HEPHL1: variants seen among roughly 807,000 people sequenced by gnomAD.
HEPHL1 encodes hephaestin like 1, also known as ferroxidase HEPHL1.
HEPHL1 carries 123 observed loss-of-function variants against 122.0 expected under a neutral mutation model. The observed-to-expected ratio is 1.01, with a 90% CI of 0.87 to 1.17. The LOEUF is 1.17. Among genes scored for constraint, HEPHL1 ranks in the 50% most tolerant of loss-of-function variants. HEPHL1 has a pLI of 0.00. For missense variants in HEPHL1, 1,452 were observed against 1,430.5 expected (o/e 1.01, Z -0.24); for synonymous variants, 527 against 508.9 (o/e 1.04, Z -0.48).
intron 1 of HEPHL1, among the ~76,000 whole-genome samples, chr11:94,037,126 G>A (rs1336499594): frequency 5.9e-5 from 9 of 152,108 alleles, no homozygotes; most frequent in South Asian, 2.1e-4. Flanking sequence ...CTGGAAAATC[G>A]GGTCACTCCC....
intron 2 of HEPHL1, among the ~76,000 whole-genome samples, chr11:94,058,418 T>G (rs1945958320): frequency 1.3e-5 from 2 of 152,188 alleles, no homozygotes; most frequent in African/African-American, 4.8e-5. Context: ...AGTCTCTGCT[T>G]AATTCAACTT....
intron 1 of HEPHL1, among the ~76,000 whole-genome samples, chr11:94,044,552 C>A (rs61906135): frequency 0.019 from 2,937 of 152,188 alleles, 41 homozygotes; most frequent in South Asian, 0.035. Flanking sequence ...AACTTACCTG[C>A]ATCCTTATCT....
chr11:94,106,028 C>T lies in HEPHL1; in HGVS notation c.2943C>T (p.Leu981=), dbSNP rs779270791. The T allele has an allele frequency of 6.3e-6, 10 of 1,599,344 alleles. No homozygotes were observed. The Admixed American group carries it at 1.7e-4, about 27-fold the overall frequency. The change falls in exon 17 of 20, where the codon CTC becomes CTT. Residue 981 remains leucine (L), a synonymous_variant. Coordinates refer to ENST00000315765, the MANE Select transcript of HEPHL1 (RefSeq NM_001098672.2). ...AGATTTTTGGGAATCTCCATGGCCT[C>T]ATAATGAACGAAGATACAATGACAA... ...NGKIFGNLHG[L]IMNEDTMTNW... is the part of the protein sequence containing the mutation.
intron 2 of HEPHL1, among the ~76,000 whole-genome samples, chr11:94,060,298 G>A (rs911432129): frequency 6.6e-6 from 1 of 151,424 alleles, no homozygotes; most frequent in African/African-American, 2.4e-5. Context: ...ATATATATGT[G>A]TGTGTATATG....
intron 9 of HEPHL1, among the ~76,000 whole-genome samples, chr11:94,080,299 A>C (rs1219360152): frequency 1.3e-5 from 2 of 152,262 alleles, no homozygotes; most frequent in Non-Finnish European, 2.9e-5. Flanking sequence ...AATTAACTCA[A>C]GATGGATTAA....
At chr11:94,037,215 C>T (rs983333749) in intron 1 of HEPHL1, among the ~76,000 whole-genome samples, 4 of 152,158 alleles carry the variant, frequency 2.6e-5, no homozygotes, top group African/African-American at 9.7e-5. Flanking sequence ...CTCAGAGGGT[C>T]CTACGCCCAC....
chr11:94,055,126 T>C (rs150700908), intron 2 of HEPHL1: 59 of 198,800 alleles, frequency 3.0e-4, no homozygotes, highest in African/African-American at 1.3e-3. Context: ...TTCCAGCTTG[T>C]GTAGCTCAAT....
rs888344287 is a variant in HEPHL1, at chr11:94,049,394, G to C, written c.415+3477G>C. 3.3e-5 allele frequency among the ~76,000 whole-genome samples: 5 copies of C among 151,986 alleles called. No homozygotes were observed. The East Asian group carries it at 9.7e-4, about 29-fold the overall frequency. The stretch of plus-strand genomic sequence containing the variant: ...GAAAAGAGAATACTTATACACTCTT[G>C]GTGGCAATGTAAATTAGTACAGCCA... On this transcript the variant is annotated intron_variant, in intron 2 of 19. Transcript: ENST00000315765.
chr11:94,064,861 AATC>A (rs1946020618), intron 4 of HEPHL1, among the ~76,000 whole-genome samples: 1 of 152,194 alleles, frequency 6.6e-6, no homozygotes, highest in African/African-American at 2.4e-5. Flanking sequence ...AGGAGAATGA[AATC>A]ATCGTTCTAT....
intron 9 of HEPHL1, among the ~76,000 whole-genome samples, chr11:94,081,635 C>T (rs1401629982): frequency 3.3e-5 from 5 of 152,162 alleles, no homozygotes; most frequent in East Asian, 1.9e-4. Flanking sequence ...AGCTAAGTCT[C>T]GTCAGTTATA....
At chr11:94,097,215 T>C (rs997199780) in intron 13 of HEPHL1, among the ~76,000 whole-genome samples, 1 of 152,238 alleles carries the variant, frequency 6.6e-6, no homozygotes, top group African/African-American at 2.4e-5. Flanking sequence ...TCTGGTATGT[T>C]GTGTCTTTGT....
intron 10 of HEPHL1, among the ~76,000 whole-genome samples, chr11:94,084,492 A>C (rs892371499): frequency 2.0e-5 from 3 of 152,164 alleles, no homozygotes; most frequent in African/African-American, 7.2e-5. Flanking sequence ...GCTTGCAGGG[A>C]GTGGAAGGAA....
At chr11:94,030,940 G>A (rs1019376484) in intron 1 of HEPHL1, among the ~76,000 whole-genome samples, 2 of 152,148 alleles carry the variant, frequency 1.3e-5, no homozygotes, top group Non-Finnish European at 2.9e-5. Flanking sequence ...CAAGCCAGAG[G>A]TTGAGCAGGG....
chr11:94,037,353 G>T (rs1242659092), intron 1 of HEPHL1, among the ~76,000 whole-genome samples: 1 of 151,764 alleles, frequency 6.6e-6, no homozygotes, highest in African/African-American at 2.4e-5. Context: ...AGCTTGAACT[G>T]GGTGGAGCCC....
rs1164920616 is a variant in HEPHL1 at position 94,077,546 on chromosome 11, T to C, written c.1716+2161T>C. On this transcript the variant is annotated intron_variant, in intron 9 of 19. Coordinates refer to ENST00000315765, the MANE Select transcript of HEPHL1 (RefSeq NM_001098672.2). ...TGTTACAAATAATCCATTTATATTCTTTTAGTTATTTTCAAATGTACAATT... is the reference window on the plus strand; with the variant it reads ...TGTTACAAATAATCCATTTATATTCCTTTAGTTATTTTCAAATGTACAATT... Among the ~76,000 whole-genome samples, 122 of 152,314 alleles carry C rather than the reference T, an allele frequency of 8.0e-4. 2 individuals are homozygous for C. The highest frequency in any genetic ancestry group is 8.8e-5 in the Non-Finnish European group (6 of 68,024).
At chr11:94,094,367 A>C (rs1565360674) in intron 13 of HEPHL1, among the ~76,000 whole-genome samples, 1 of 152,100 alleles carries the variant, frequency 6.6e-6, no homozygotes, top group Non-Finnish European at 1.5e-5. Flanking sequence ...CATGGTGTAT[A>C]TGTGCCACAT....
chr11:94,026,588 C>A (rs1271278943), intron 1 of HEPHL1, among the ~76,000 whole-genome samples: 2 of 152,204 alleles, frequency 1.3e-5, no homozygotes, highest in Non-Finnish European at 2.9e-5. Context: ...AACTCATTGA[C>A]AGTATAATAA....
intron 5 of HEPHL1, 96 bp from the exon 6 acceptor site, chr11:94,070,278 C>G (rs754844325): frequency 5.6e-6 from 7 of 1,258,016 alleles, no homozygotes; most frequent in Non-Finnish European, 7.5e-6. Flanking sequence ...TGTACAGAAG[C>G]CTAAATGTTC....
chr11:94,075,204 C>G lies in HEPHL1; in HGVS notation c.1535C>G (p.Pro512Arg). Residue 512 changes from proline (P) to arginine (R), a missense_variant, in exon 9 of 20, where the codon CCA becomes CGA. By Grantham distance (103) the Pro-to-Arg change is moderately radical. Coordinates refer to ENST00000315765, the MANE Select transcript of HEPHL1 (RefSeq NM_001098672.2). ...GFVKPGAHVK[P>R]GETFTYKWTV... ...GTGAAACCAGGGGCGCATGTTAAAC[C>G]AGGTGAAACCTTCACATACAAGTGG... 2 of 1,613,210 alleles carry G rather than the reference C, an allele frequency of 1.2e-6. No homozygotes were observed. The highest frequency in any genetic ancestry group is 1.7e-6 in the Non-Finnish European group (2 of 1,179,504).
Sources: gnomAD v4.1 joint callset for allele counts (sites outside exome capture counted in the v4.1 genomes callset) on GRCh38, gnomAD v4.1.1 for gene constraint, MANE v1.5 for transcripts, NCBI Gene and HGNC (gene_info 2026-07-23, HGNC 2026-07-21) for gene names.